The following ANGEL2 variants were observed in gnomAD, a reference collection of about 807,000 sequenced individuals.
ANGEL2 encodes RNA 2',3'-cyclic phosphatase ANGEL2.
A neutral mutation model predicts 66.0 loss-of-function variants in ANGEL2; 41 were observed. The observed-to-expected ratio is 0.62, with a 90% CI of 0.48 to 0.81. The LOEUF (loss-of-function observed/expected upper bound fraction) is 0.81. Ranked by LOEUF, ANGEL2 falls within the 30% of genes least tolerant of loss-of-function variation. ANGEL2 has a pLI of 0.00. For synonymous variants in ANGEL2, 208 were observed against 226.5 expected, an observed-to-expected ratio of 0.92 and a Z score of 0.73; for missense variants, 561 against 641.6, an observed-to-expected ratio of 0.87 and a Z score of 1.36.
At chr1:213,000,531 G>T in intron 6 of ANGEL2, 148 bp from the exon 7 acceptor site, 1 of 781,312 alleles carries the variant, frequency 1.3e-6, no homozygotes, top group Non-Finnish European at 1.9e-6. Context: ...TATTTCGATG[G>T]CCTCCAGAAT....
chr1:213,010,202 A>G (rs1404288404), intron 2 of ANGEL2, among the ~76,000 whole-genome samples: 1 of 152,088 alleles, frequency 6.6e-6, no homozygotes, highest in Non-Finnish European at 1.5e-5. Flanking sequence ...TCCTACCCCC[A>G]ATGGCTCAGA....
In ANGEL2 at chr1:212,995,054, C is replaced by A. The variant is rs775865262; in HGVS notation, c.1622G>T (p.Arg541Ile). 5 of 1,607,778 alleles carry A rather than the reference C, an allele frequency of 3.1e-6. No homozygotes were observed. The highest frequency in any genetic ancestry group is 4.2e-6 in the Non-Finnish European group (5 of 1,177,246). Residue 541 changes from arginine (R) to isoleucine (I), a missense_variant, in exon 9 of 9, where the codon AGA becomes ATA. Physicochemically the swap from Arg to Ile is moderately conservative, Grantham distance 97. Transcript: ENST00000366962. ...SDHLPLLAKF[R>I]LEL ...GATCAAAGAGAGTCAGAGCTCAAGT[C>A]TGAACTTTGCCAATAAAGGCAGATG...
Position 213,005,364 on chromosome 1 carries a change from A to G in ANGEL2, c.803T>C (p.Val268Ala). 1.2e-6 allele frequency: 2 copies of G among 1,614,256 alleles called. No individual in the cohort carries two copies. Among genetic ancestry groups the G allele is most frequent in the African/African-American group, 1.3e-5 (1 of 75,076 alleles). Residue 268 changes from valine to alanine, a missense_variant, in exon 5 of 9, where the codon GTG becomes GCG. Transcript: ENST00000366962. ...AGGGCGGAAGAATTCCACTGGGTTCACTGACAAGAGTGAAAATTTGGAATG... is the reference window on the plus strand; with the variant it reads ...AGGGCGGAAGAATTCCACTGGGTTCGCTGACAAGAGTGAAAATTTGGAATG... ...FKHSKFSLLS[V>A]NPVEFFRPDI...
chr1:212,996,818 C>G (rs1279130033), intron 8 of ANGEL2, among the ~76,000 whole-genome samples: 4 of 151,468 alleles, frequency 2.6e-5, no homozygotes, highest in Non-Finnish European at 5.9e-5. Flanking sequence ...TAACAACATA[C>G]TCAGTTCCTG....
In ANGEL2 at chr1:213,013,175, G is replaced by T; in HGVS notation, c.303C>A (p.Ser101Arg). 6.2e-7 allele frequency: 1 copy of T among 1,614,114 alleles called. No individual in the cohort carries two copies. Among genetic ancestry groups the T allele is most frequent in the Non-Finnish European group, 8.5e-7 (1 of 1,180,012 alleles). ...TAGAGAGATGAATCAAAGATGTCTG[G>T]CTCAGGTTGTCAGGTCTCCAGTTAC... is the stretch of plus-strand genomic sequence containing the variant. The part of the protein sequence containing the change: ...QYCNWRPDNL[S>R]QTSLIHLSSY... Residue 101 changes from serine to arginine, a missense_variant, in exon 2 of 9, where the codon AGC (serine) becomes AGA (arginine). Transcript: ENST00000366962.
chr1:213,011,047 C>T (rs1441986074), intron 2 of ANGEL2, among the ~76,000 whole-genome samples: 3 of 152,170 alleles, frequency 2.0e-5, no homozygotes, highest in Non-Finnish European at 2.9e-5. Context: ...GGGGTGAACA[C>T]ATATTTTATA....
chr1:213,007,171 C>T lies in ANGEL2; in HGVS notation c.670G>A (p.Asp224Asn), dbSNP rs763612332. The T allele has an allele frequency of 6.3e-7, 1 of 1,583,688 alleles. No individual in the cohort carries two copies. The highest frequency in any genetic ancestry group is 1.4e-5 in the African/African-American group (1 of 72,650). Residue 224 changes from aspartate (D) to asparagine (N), a missense_variant, in exon 4 of 9, where the codon GAT becomes AAT. Coordinates refer to ENST00000366962, the MANE Select transcript of ANGEL2 (RefSeq NM_144567.5). ...DVLCLQEVQE[D>N]HYGAEIRPSL... Reference sequence around the variant, plus strand: ...GGCCTGATCTCTGCTCCATAATGATCTTCTTGAACTTCTTGCAAACAAAGT... The same window carrying T: ...GGCCTGATCTCTGCTCCATAATGATTTTCTTGAACTTCTTGCAAACAAAGT...
chr1:213,008,264 G>A lies in ANGEL2; in HGVS notation c.588C>T (p.His196=). 2 of 1,614,158 alleles carry A rather than the reference G, an allele frequency of 1.2e-6. No individual in the cohort carries two copies. Among genetic ancestry groups the A allele is most frequent in the Non-Finnish European group, 1.7e-6 (2 of 1,180,004 alleles). The change falls in exon 3 of 9, where the codon CAC becomes CAT. Residue 196 remains histidine (H), a synonymous_variant. Coordinates refer to ENST00000366962, the MANE Select transcript of ANGEL2 (RefSeq NM_144567.5). ...GAATATTGGGAAACCTAAAACTCCA[G>A]TGTAATACTGGCCGCCGGCAATGTC... is the stretch of plus-strand genomic sequence containing the variant. ...LYRHCRRPVL[H]WSFRFPNILK... is the part of the protein sequence containing the mutation.
At chr1:213,015,040 C>T (rs1218376249) in intron 1 of ANGEL2, 1 of 890,988 alleles carries the variant, frequency 1.1e-6, no homozygotes, top group African/African-American at 1.8e-5. Flanking sequence ...TTAAAAAAAA[C>T]TGAGTCAATT....
Position 213,005,021 on chromosome 1 carries a change from G to GA in ANGEL2, c.1134+11dup. ...ATGTCCACTCCCTAATAACAATGAA[G>GA]AAAGCACTTACCTTTCCTATGGGAA... On this transcript the variant is annotated intron_variant, in intron 5 of 8. Coordinates refer to ENST00000366962, the MANE Select transcript of ANGEL2 (RefSeq NM_144567.5). The GA allele has an allele frequency of 1.3e-6, 2 of 1,523,918 alleles. No individual in the cohort carries two copies. Among genetic ancestry groups the GA allele is most frequent in the African/African-American group, 1.4e-5 (1 of 72,202 alleles). 94.4% of individuals were successfully genotyped at this position (1,523,918 alleles called of 1,614,324 possible).
At chr1:213,010,891 T>C (rs3124668) in intron 2 of ANGEL2, among the ~76,000 whole-genome samples, 39,628 of 152,088 alleles carry the variant, frequency 0.26, 5,995 homozygotes, top group Admixed American at 0.4. Context: ...CTTTTTGCAA[T>C]TCCATTTTTT....
intron 2 of ANGEL2, among the ~76,000 whole-genome samples, chr1:213,012,618 T>C (rs1241926671): frequency 6.6e-6 from 1 of 152,220 alleles, no homozygotes; most frequent in African/African-American, 2.4e-5. Context: ...GAAAATCTTA[T>C]CCTATAAGAC....
chr1:213,015,722 C>G lies in ANGEL2; in HGVS notation c.-51G>C. On this transcript the variant is annotated 5_prime_UTR_variant, in exon 1 of 9. Transcript: ENST00000366962. Reference sequence around the variant, plus strand: ...CCCAGGCCCCGGGTTCCACCTCAATCTCTATAATCGATGCGACGGCCTAAA... The same window carrying G: ...CCCAGGCCCCGGGTTCCACCTCAATGTCTATAATCGATGCGACGGCCTAAA... 1 of 1,613,084 alleles carries G rather than the reference C, an allele frequency of 6.2e-7. No homozygotes were observed. The highest frequency in any genetic ancestry group is 8.5e-7 in the Non-Finnish European group (1 of 1,179,138).
intron 1 of ANGEL2, among the ~76,000 whole-genome samples, chr1:213,014,792 C>G (rs897605046): frequency 1.8e-4 from 27 of 152,184 alleles, no homozygotes; most frequent in African/African-American, 6.5e-4. Context: ...AAGTCCCAGG[C>G]CTATGGGAGT....
chr1:213,003,817 T>C (rs765566993), intron 5 of ANGEL2, among the ~76,000 whole-genome samples: 1 of 152,184 alleles, frequency 6.6e-6, no homozygotes, highest in Non-Finnish European at 1.5e-5. Flanking sequence ...ACTTCAATTT[T>C]GTAAAATGCA....
intron 1 of ANGEL2, 43 bp from the exon 2 acceptor site, chr1:213,013,461 C>T: frequency 6.6e-7 from 1 of 1,516,708 alleles, no homozygotes; most frequent in Non-Finnish European, 8.9e-7. Context: ...ACTTTTTGTT[C>T]AGCTATAGTT....
chr1:213,009,294 T>C (rs904021403), intron 2 of ANGEL2, among the ~76,000 whole-genome samples: 1 of 152,232 alleles, frequency 6.6e-6, no homozygotes, highest in Non-Finnish European at 1.5e-5. Flanking sequence ...GTATTCACCT[T>C]TGATCTTGTC....
At chr1:213,003,959 G>T (rs1297289571) in intron 5 of ANGEL2, among the ~76,000 whole-genome samples, 1 of 152,128 alleles carries the variant, frequency 6.6e-6, no homozygotes, top group Non-Finnish European at 1.5e-5. Context: ...CAGCACTTTG[G>T]GAGGCCGAGG....
At chr1:212,997,528 A>G (rs183703481) in intron 7 of ANGEL2, among the ~76,000 whole-genome samples, 2 of 152,200 alleles carry the variant, frequency 1.3e-5, no homozygotes, top group Admixed American at 6.5e-5. Context: ...TGTGGTTTTT[A>G]AAAAAAGCTC....
Sources: gnomAD v4.1 joint callset for allele counts (sites outside exome capture counted in the v4.1 genomes callset) on GRCh38, gnomAD v4.1.1 for gene constraint, MANE v1.5 for transcripts, NCBI Gene and HGNC (gene_info 2026-07-23, HGNC 2026-07-21) for gene names.